AGMO: variants seen among roughly 807,000 people sequenced by gnomAD.
AGMO encodes the protein glyceryl-ether monooxygenase.
A neutral mutation model predicts 60.2 loss-of-function variants in AGMO; 75 were observed. The ratio of observed to expected loss-of-function variants is 1.25; its 90% confidence interval spans 1.03 to 1.51. The LOEUF (loss-of-function observed/expected upper bound fraction) is 1.51. AGMO is among the 40% of genes most tolerant of loss of function. The probability of loss-of-function intolerance (pLI) is 0.00; values close to 1 mark genes in which losing one functional copy is unlikely to be tolerated. For synonymous variants in AGMO, 261 were observed against 177.1 expected (o/e 1.47, Z -3.76); for missense variants, 763 against 525.5 (o/e 1.45, Z -4.42).
the AGMO span, among the ~76,000 whole-genome samples, chr7:15,189,779 T>C: frequency 6.6e-6 from 1 of 151,506 alleles, no homozygotes; most frequent in Admixed American, 6.6e-5. Context: ...TAGAAAAAGC[T>C]ATTTCTTGTT....
intron 12 of AGMO, among the ~76,000 whole-genome samples, chr7:15,247,392 G>A (rs889475264): frequency 7.0e-6 from 1 of 143,630 alleles, no homozygotes; most frequent in South Asian, 2.3e-4. Context: ...GTTACATTTT[G>A]TTAATATATG....
Position 15,450,981 on chromosome 7 carries a change from G to C in AGMO, c.410-19873C>G, listed in dbSNP as rs891875510. On this transcript the variant is annotated intron_variant, in intron 3 of 12. Coordinates refer to ENST00000342526, the MANE Select transcript of AGMO (RefSeq NM_001004320.2). ...ATAGATTATGCTAACTGTTGTTAATGATTTAATAACATTGTTTTATATCTG... is the reference window on the plus strand; with the variant it reads ...ATAGATTATGCTAACTGTTGTTAATCATTTAATAACATTGTTTTATATCTG... 1.8e-4 allele frequency among the ~76,000 whole-genome samples: 27 copies of C among 152,036 alleles called. 1 individual carries two copies. Among genetic ancestry groups the C allele is most frequent in the African/African-American group, 5.8e-4 (24 of 41,380 alleles).
At chr7:15,333,553 AT>A (rs1182151914) in intron 12 of AGMO, among the ~76,000 whole-genome samples, 2 of 151,170 alleles carry the variant, frequency 1.3e-5, no homozygotes, top group Admixed American at 1.3e-4. Context: ...GTGCTAATGT[AT>A]ACCCTTTGGA....
At chr7:15,176,891 A>T in the AGMO span, among the ~76,000 whole-genome samples, 1 of 152,036 alleles carries the variant, frequency 6.6e-6, no homozygotes, top group Non-Finnish European at 1.5e-5. Context: ...ACAGAAGTAT[A>T]AACAATAGTT....
At chr7:15,298,627 C>T (rs1465230358) in intron 12 of AGMO, among the ~76,000 whole-genome samples, 3 of 152,012 alleles carry the variant, frequency 2.0e-5, no homozygotes. Flanking sequence ...GTCTTGAACC[C>T]CTGGGCTTCA....
At chr7:15,537,398 T>A (rs1362940596) in intron 3 of AGMO, among the ~76,000 whole-genome samples, 2 of 152,140 alleles carry the variant, frequency 1.3e-5, no homozygotes, top group Non-Finnish European at 2.9e-5. Context: ...TTAAATACAT[T>A]ACGTTCTAAG....
chr7:15,481,435 A>G (rs1270548924), intron 3 of AGMO, among the ~76,000 whole-genome samples: 1 of 152,174 alleles, frequency 6.6e-6, no homozygotes, highest in Non-Finnish European at 1.5e-5. Flanking sequence ...TTAAAAAAAC[A>G]TAAAGCATTG....
chr7:15,308,708 T>C (rs1331897321), intron 12 of AGMO, among the ~76,000 whole-genome samples: 1 of 152,202 alleles, frequency 6.6e-6, no homozygotes, highest in Non-Finnish European at 1.5e-5. Context: ...TATCTGTTGA[T>C]ATATTATTAC....
intron 12 of AGMO, among the ~76,000 whole-genome samples, chr7:15,357,667 C>T (rs1207868370): frequency 5.3e-5 from 8 of 152,170 alleles, no homozygotes; most frequent in Non-Finnish European, 8.8e-5. Flanking sequence ...ATGTACAGAA[C>T]TTGGCCTGGC....
chr7:15,163,634 G>A, the AGMO span, among the ~76,000 whole-genome samples: 58,925 of 151,814 alleles, frequency 0.39, 12,747 homozygotes, highest in East Asian at 0.71. Flanking sequence ...ATTGATTTGC[G>A]TATGTTGAAC....
the AGMO span, among the ~76,000 whole-genome samples, chr7:15,155,932 T>A: frequency 6.6e-6 from 1 of 152,224 alleles, no homozygotes; most frequent in East Asian, 1.9e-4. Flanking sequence ...CTGAGCTACA[T>A]GCTCTAACCC....
At chr7:15,224,726 T>A (rs1782026202) in intron 12 of AGMO, among the ~76,000 whole-genome samples, 2 of 152,000 alleles carry the variant, frequency 1.3e-5, no homozygotes, top group Non-Finnish European at 2.9e-5. Context: ...CCACTTTCCT[T>A]TCCTAACTCA....
At chr7:15,339,412 T>C (rs780006878) in intron 12 of AGMO, among the ~76,000 whole-genome samples, 4 of 152,194 alleles carry the variant, frequency 2.6e-5, no homozygotes, top group Admixed American at 1.3e-4. Context: ...TACACTTTAA[T>C]TTAAATACTT....
Position 15,262,233 on chromosome 7 carries a change from A to T in AGMO, c.1264-60874T>A, listed in dbSNP as rs574966239. Among the ~76,000 whole-genome samples the T allele has an allele frequency of 2.6e-5, 4 of 152,144 alleles. No individual in the cohort carries two copies. In the South Asian group the frequency reaches 6.2e-4, roughly 24 times the overall value. On this transcript the variant is annotated intron_variant, in intron 12 of 12. Transcript: ENST00000342526. The stretch of plus-strand genomic sequence containing the variant: ...TGTGATTGTATACTTAGAAAGCCCT[A>T]AAGACTCATCCAAAAAGCTCCTAGA...
chr7:15,239,596 C>T lies in AGMO; in HGVS notation c.1264-38237G>A, dbSNP rs13438024. On this transcript the variant is annotated intron_variant, in intron 12 of 12. Transcript: ENST00000342526. ...AGCAATTCGTGTTGTTATTTGAAAG[C>T]AGTGTGCCTGTATAATTTATCTTTC... is the stretch of plus-strand genomic sequence containing the variant. 4.4e-3 allele frequency among the ~76,000 whole-genome samples: 671 copies of T among 152,184 alleles called. 6 individuals carry two copies. The highest frequency in any genetic ancestry group is 0.015 in the African/African-American group (642 of 41,520).
intron 8 of AGMO, among the ~76,000 whole-genome samples, chr7:15,389,176 G>C (rs896860566): frequency 3.9e-5 from 6 of 152,186 alleles, no homozygotes; most frequent in African/African-American, 1.4e-4. Context: ...ACAGAGGCTT[G>C]TTTAGAAAAC....
In AGMO at chr7:15,327,948, T is replaced by A. The variant is rs76529428; in HGVS notation, c.1263+37566A>T. ...GCCGGGCTAATTTAAAAAAAAAAATTTTTTTTTGGTTGAGACAGGGTCTCA... is the reference window on the plus strand; with the variant it reads ...GCCGGGCTAATTTAAAAAAAAAAATATTTTTTTGGTTGAGACAGGGTCTCA... On this transcript the variant is annotated intron_variant, in intron 12 of 12. Coordinates refer to ENST00000342526, the MANE Select transcript of AGMO (RefSeq NM_001004320.2). Among the ~76,000 whole-genome samples, 408 of 149,138 alleles carry A rather than the reference T, an allele frequency of 2.7e-3. 3 individuals carry two copies. Among genetic ancestry groups the A allele is most frequent in the African/African-American group, 9.8e-3 (389 of 39,554 alleles).
chr7:15,453,332 T>A (rs1048898571), intron 3 of AGMO, among the ~76,000 whole-genome samples: 1 of 152,184 alleles, frequency 6.6e-6, no homozygotes, highest in African/African-American at 2.4e-5. Flanking sequence ...TTCACTTAAC[T>A]AAAGCAAAAG....
At chr7:15,198,249 GAGAGA>G (rs1563030490), downstream of AGMO, among the ~76,000 whole-genome samples, 18 of 78,500 alleles carry the variant, frequency 2.3e-4, no homozygotes, top group East Asian at 4.6e-3. Flanking sequence ...GAGAGAGAGA[GAGAGA>G]GACAGAGACA....
Sources: gnomAD v4.1 joint callset for allele counts (sites outside exome capture counted in the v4.1 genomes callset) on GRCh38, gnomAD v4.1.1 for gene constraint, MANE v1.5 for transcripts, NCBI Gene and HGNC (gene_info 2026-07-23, HGNC 2026-07-21) for gene names.